DIS3L2: variants seen among roughly 807,000 people sequenced by gnomAD.
DIS3L2 encodes the protein DIS3-like exonuclease 2.
DIS3L2 carries 34 observed loss-of-function variants against 97.5 expected under a neutral mutation model. The observed-to-expected ratio is 0.35, with a 90% CI of 0.27 to 0.46. The LOEUF (loss-of-function observed/expected upper bound fraction) is 0.46. Among genes scored for constraint, DIS3L2 ranks in the 20% least tolerant of loss-of-function variants. The pLI is 1.00. For missense variants in DIS3L2, 1,038 were observed against 1,146.0 expected (o/e 0.91, Z 1.36); for synonymous variants, 435 against 445.2 (o/e 0.98, Z 0.29).
intron 5 of DIS3L2, among the ~76,000 whole-genome samples, chr2:232,049,613 C>G (rs912304016): frequency 6.6e-6 from 1 of 152,136 alleles, no homozygotes; most frequent in Non-Finnish European, 1.5e-5. Context: ...ACTGGGGAGA[C>G]AGTCTGGACA....
intron 5 of DIS3L2, among the ~76,000 whole-genome samples, chr2:232,071,192 A>G (rs776208895): frequency 1.3e-5 from 2 of 152,194 alleles, no homozygotes; most frequent in Non-Finnish European, 2.9e-5. Context: ...AAGAATCAGA[A>G]AGAGAGAGAC....
intron 5 of DIS3L2, among the ~76,000 whole-genome samples, chr2:232,083,147 G>T (rs569115989): frequency 3.9e-5 from 6 of 151,920 alleles, no homozygotes; most frequent in Non-Finnish European, 8.8e-5. Flanking sequence ...GTCAAGATGA[G>T]ATTTGGGTGG....
rs73995204 is a variant in DIS3L2 at position 232,284,073 on chromosome 2, T to A, written c.1660-15967T>A. The stretch of plus-strand genomic sequence containing the variant: ...AATAAAAAGTGGGTTGTTTTTTTTT[T>A]AATTCCTCTGTGTGCAACACCAGCA... On this transcript the variant is annotated intron_variant, in intron 13 of 20. Coordinates refer to ENST00000325385, the MANE Select transcript of DIS3L2 (RefSeq NM_152383.5). 2.1e-3 allele frequency among the ~76,000 whole-genome samples: 322 copies of A among 152,282 alleles called. 2 individuals are homozygous for A. The highest frequency in any genetic ancestry group is 7.1e-3 in the African/African-American group (297 of 41,562).
intron 8 of DIS3L2, among the ~76,000 whole-genome samples, chr2:232,145,930 G>A (rs1690203771): frequency 6.6e-6 from 1 of 152,094 alleles, no homozygotes; most frequent in African/African-American, 2.4e-5. Context: ...ATAAGGAAGA[G>A]GCATACCTAA....
chr2:232,309,408 G>C (rs1695064944), intron 14 of DIS3L2, among the ~76,000 whole-genome samples: 1 of 152,236 alleles, frequency 6.6e-6, no homozygotes. Flanking sequence ...GCGGAAGGCA[G>C]AGAGAGCCTT....
intron 9 of DIS3L2, among the ~76,000 whole-genome samples, chr2:232,189,494 C>G (rs1484540048): frequency 6.6e-6 from 1 of 152,076 alleles, no homozygotes. Context: ...TTTGAAAGTA[C>G]AATTTTAAAA....
chr2:232,137,661 C>T (rs967685682), intron 8 of DIS3L2, among the ~76,000 whole-genome samples: 3 of 152,088 alleles, frequency 2.0e-5, no homozygotes, highest in African/African-American at 7.2e-5. Flanking sequence ...TTATGCCTAG[C>T]AAAATAAGCC....
chr2:232,040,309 C>G (rs1383154642), intron 5 of DIS3L2, among the ~76,000 whole-genome samples: 1 of 152,182 alleles, frequency 6.6e-6, no homozygotes, highest in Non-Finnish European at 1.5e-5. Flanking sequence ...ACAGCAGCCC[C>G]TCTACTAACT....
chr2:232,031,389 A>G (rs887528689), intron 5 of DIS3L2, among the ~76,000 whole-genome samples: 1 of 152,062 alleles, frequency 6.6e-6, no homozygotes, highest in Non-Finnish European at 1.5e-5. Flanking sequence ...TCTTGCTCTC[A>G]TGGAGCTTAT....
intron 8 of DIS3L2, among the ~76,000 whole-genome samples, chr2:232,140,876 A>G (rs1698491667): frequency 1.3e-5 from 2 of 152,222 alleles, no homozygotes; most frequent in African/African-American, 4.8e-5. Context: ...TCACCTCTCT[A>G]TACATCACAT....
At chr2:232,118,583 A>G (rs1697797219) in intron 6 of DIS3L2, among the ~76,000 whole-genome samples, 1 of 152,234 alleles carries the variant, frequency 6.6e-6, no homozygotes, top group African/African-American at 2.4e-5. Context: ...ACTGTTGTGC[A>G]GAAGGCACTC....
intron 5 of DIS3L2, among the ~76,000 whole-genome samples, chr2:232,036,582 C>T (rs1433125877): frequency 1.3e-5 from 2 of 152,200 alleles, no homozygotes; most frequent in Non-Finnish European, 2.9e-5. Context: ...AGTCGTGATC[C>T]TTTGGAGAGA....
intron 7 of DIS3L2, among the ~76,000 whole-genome samples, chr2:232,132,213 C>T (rs1018039374): frequency 6.6e-6 from 1 of 152,034 alleles, no homozygotes; most frequent in Non-Finnish European, 1.5e-5. Context: ...ATGGATTCAA[C>T]CAAAAATTAC....
rs534268519 is a variant in DIS3L2, at chr2:232,144,128, A to G, written c.950+7409A>G. On this transcript the variant is annotated intron_variant, in intron 8 of 20. Transcript: ENST00000325385. ...GTTGAACAGAGGATTTTGCTCCTGA[A>G]AACGTTCCAGTGCTCATTAACTAAA... Among the ~76,000 whole-genome samples the G allele has an allele frequency of 2.1e-3, 321 of 152,260 alleles. 2 individuals are homozygous for G. Among genetic ancestry groups the G allele is most frequent in the African/African-American group, 7.3e-3 (304 of 41,572 alleles).
intron 10 of DIS3L2, among the ~76,000 whole-genome samples, chr2:232,212,491 A>G (rs1320267339): frequency 1.3e-5 from 2 of 152,236 alleles, no homozygotes; most frequent in East Asian, 3.8e-4. Flanking sequence ...TACTCACTGC[A>G]TACACTGTGG....
chr2:232,343,514 T>G, exon 14 of DIS3L2: 2 of 1,558,672 alleles, frequency 1.3e-6, no homozygotes, highest in Non-Finnish European at 1.7e-6. Context: ...AGCCGTGTAT[T>G]GGAAGCAAAG....
intron 5 of DIS3L2, among the ~76,000 whole-genome samples, chr2:232,069,535 A>G (rs1695951277): frequency 1.3e-5 from 2 of 152,222 alleles, no homozygotes; most frequent in Non-Finnish European, 2.9e-5. Flanking sequence ...CCTCAGATAC[A>G]GGGATAATCA....
chr2:232,123,667 T>G (rs978489804), intron 6 of DIS3L2, among the ~76,000 whole-genome samples: 3 of 152,066 alleles, frequency 2.0e-5, no homozygotes, highest in African/African-American at 7.3e-5. Flanking sequence ...ACCCTCCCAC[T>G]GAAACAACTA....
chr2:232,149,864 T>A (rs1489670169), intron 8 of DIS3L2, among the ~76,000 whole-genome samples: 1 of 9,882 alleles, frequency 1.0e-4, no homozygotes, highest in African/African-American at 7.5e-4. Flanking sequence ...ACCTGTTGTT[T>A]CCTGACTTTT....
Sources: gnomAD v4.1 joint callset for allele counts (sites outside exome capture counted in the v4.1 genomes callset) on GRCh38, gnomAD v4.1.1 for gene constraint, MANE v1.5 for transcripts, NCBI Gene and HGNC (gene_info 2026-07-23, HGNC 2026-07-21) for gene names.